The following DCC variants were observed in gnomAD, a reference collection of about 807,000 sequenced individuals.
DCC encodes netrin receptor DCC.
In DCC, 58 loss-of-function variants were observed where a neutral mutation model predicts 172.5. The observed-to-expected ratio is 0.34, with a 90% CI of 0.27 to 0.42. The LOEUF (loss-of-function observed/expected upper bound fraction) is 0.42. DCC is among the 10% of genes least tolerant of loss of function. The pLI, the probability that DCC is intolerant of heterozygous loss-of-function variation, is 1.00. For missense variants in DCC, 1,740 were observed against 1,791.0 expected (o/e 0.97, Z 0.51); for synonymous variants, 709 against 644.5 (o/e 1.10, Z -1.52).
At chr18:52,798,671 T>C (rs568159315) in intron 2 of DCC, among the ~76,000 whole-genome samples, 1 of 151,934 alleles carries the variant, frequency 6.6e-6, no homozygotes, top group East Asian at 1.9e-4. Flanking sequence ...AAAGGGTGAG[T>C]AGGAAAAACA....
At chr18:53,243,776 G>A (rs1431765541) in intron 12 of DCC, among the ~76,000 whole-genome samples, 2 of 152,138 alleles carry the variant, frequency 1.3e-5, no homozygotes, top group African/African-American at 4.8e-5. Context: ...GAAGTGAAGG[G>A]TTAAGAACAA....
intron 2 of DCC, among the ~76,000 whole-genome samples, chr18:52,797,784 G>C (rs2037904286): frequency 6.6e-6 from 1 of 152,200 alleles, no homozygotes; most frequent in South Asian, 2.1e-4. Flanking sequence ...AACCCCCAGT[G>C]GTATATGTAG....
At chr18:53,136,971 G>A (rs2043752998) in intron 7 of DCC, among the ~76,000 whole-genome samples, 1 of 152,166 alleles carries the variant, frequency 6.6e-6, no homozygotes, top group East Asian at 1.9e-4. Flanking sequence ...GCCCTAAAGG[G>A]CCATTCGGAA....
At chr18:52,667,707 C>T (rs1173823646) in intron 1 of DCC, among the ~76,000 whole-genome samples, 1 of 152,226 alleles carries the variant, frequency 6.6e-6, no homozygotes, top group Non-Finnish European at 1.5e-5. Flanking sequence ...GGCTTACCAA[C>T]TGCTTCCCCT....
chr18:52,889,343 T>C (rs2039615548), intron 2 of DCC, among the ~76,000 whole-genome samples: 1 of 152,064 alleles, frequency 6.6e-6, no homozygotes, highest in African/African-American at 2.4e-5. Flanking sequence ...TAGATGAGTA[T>C]GGAAGGACAG....
intron 1 of DCC, among the ~76,000 whole-genome samples, chr18:52,562,183 T>A (rs1312831635): frequency 6.6e-6 from 1 of 152,182 alleles, no homozygotes; most frequent in Non-Finnish European, 1.5e-5. Flanking sequence ...GGAGGGATAC[T>A]GAGTATGGCA....
chr18:53,291,678 T>C (rs1477490316), intron 12 of DCC, among the ~76,000 whole-genome samples: 1 of 152,182 alleles, frequency 6.6e-6, no homozygotes. Flanking sequence ...ACATCAAATA[T>C]ATTATATTGC....
chr18:53,017,490 T>A (rs2041825641), intron 5 of DCC, among the ~76,000 whole-genome samples: 1 of 152,190 alleles, frequency 6.6e-6, no homozygotes, highest in African/African-American at 2.4e-5. Flanking sequence ...TAAACAAGTA[T>A]GTCCAGTTTT....
At chr18:52,373,232 T>C (rs1053448979) in intron 1 of DCC, among the ~76,000 whole-genome samples, 8 of 152,108 alleles carry the variant, frequency 5.3e-5, no homozygotes, top group African/African-American at 1.9e-4. Flanking sequence ...AAAATGTGCA[T>C]CTTTCCCCCT....
chr18:52,818,357 A>C (rs554635625), intron 2 of DCC, among the ~76,000 whole-genome samples: 91 of 149,736 alleles, frequency 6.1e-4, no homozygotes, highest in Non-Finnish European at 1.1e-3. Context: ...GGCTGCAGCG[A>C]GCTATGTCTG....
intron 5 of DCC, among the ~76,000 whole-genome samples, chr18:52,962,556 A>G (rs2040859084): frequency 6.6e-6 from 1 of 152,050 alleles, no homozygotes; most frequent in South Asian, 2.1e-4. Flanking sequence ...GCGATTCCTC[A>G]GGGATCTAGA....
chr18:52,477,626 G>T (rs991624333), intron 1 of DCC, among the ~76,000 whole-genome samples: 6 of 152,110 alleles, frequency 3.9e-5, no homozygotes, highest in African/African-American at 1.4e-4. Flanking sequence ...AGGCTAGGCA[G>T]ATGCTTATGC....
At chr18:52,851,602 C>G (rs1300085229) in intron 2 of DCC, among the ~76,000 whole-genome samples, 1 of 152,038 alleles carries the variant, frequency 6.6e-6, no homozygotes, top group Admixed American at 6.6e-5. Context: ...ATTCCCTTAG[C>G]CCTCCTAGTC....
At chr18:53,089,859 A>T (rs970120294) in intron 7 of DCC, among the ~76,000 whole-genome samples, 1 of 152,206 alleles carries the variant, frequency 6.6e-6, no homozygotes, top group East Asian at 1.9e-4. Context: ...TGTCACAGGT[A>T]TATTGTATAA....
At chr18:53,116,339 T>C (rs1205059845) in intron 7 of DCC, among the ~76,000 whole-genome samples, 1 of 151,736 alleles carries the variant, frequency 6.6e-6, no homozygotes, top group Non-Finnish European at 1.5e-5. Context: ...CATTGTTTAT[T>C]TGGGATACGC....
intron 27 of DCC, among the ~76,000 whole-genome samples, chr18:53,518,400 G>A (rs1379727917): frequency 6.6e-6 from 1 of 152,126 alleles, no homozygotes; most frequent in Non-Finnish European, 1.5e-5. Context: ...GCAGCCTAAT[G>A]TTTCTCACCC....
At chr18:52,379,638 T>C (rs72916950) in intron 1 of DCC, among the ~76,000 whole-genome samples, 14,097 of 152,256 alleles carry the variant, frequency 0.093, 790 homozygotes, top group Middle Eastern at 0.16. Context: ...ATTTTTGTTA[T>C]TTTTCTTCCA....
At chr18:53,374,712 A>G (rs1225788773) in intron 15 of DCC, among the ~76,000 whole-genome samples, 1 of 152,202 alleles carries the variant, frequency 6.6e-6, no homozygotes, top group Non-Finnish European at 1.5e-5. Flanking sequence ...ACCCACACAC[A>G]TACACACAGT....
chr18:53,530,497 C>A (rs1353856289), intron 28 of DCC, 67 bp from the exon 29 acceptor site: 6 of 908,002 alleles, frequency 6.6e-6, no homozygotes, highest in Non-Finnish European at 1.1e-5. Flanking sequence ...CTAGCTGTGG[C>A]CCCGGCCTTC....
Sources: gnomAD v4.1 joint callset for allele counts (sites outside exome capture counted in the v4.1 genomes callset) on GRCh38, gnomAD v4.1.1 for gene constraint, MANE v1.5 for transcripts, NCBI Gene and HGNC (gene_info 2026-07-23, HGNC 2026-07-21) for gene names.